The following HS1BP3 variants were observed in gnomAD, a reference collection of about 807,000 sequenced individuals.
HS1BP3 encodes the protein HCLS1 binding protein 3.
A neutral mutation model predicts 33.5 loss-of-function variants in HS1BP3; 32 were observed. The ratio of observed to expected loss-of-function variants is 0.95; its 90% CI spans 0.72 to 1.28. The LOEUF (loss-of-function observed/expected upper bound fraction) is 1.28, where lower values mean the gene tolerates loss of function less well. Among genes scored for constraint, HS1BP3 ranks in the 50% most tolerant of loss-of-function variants. The pLI is 0.00. For synonymous variants in HS1BP3, 187 were observed against 209.2 expected, an observed-to-expected ratio of 0.89 and a Z score of 0.92; for missense variants, 486 against 502.3, an observed-to-expected ratio of 0.97 and a Z score of 0.31.
Position 20,645,289 on chromosome 2 carries a change from G to A in HS1BP3, c.198+51C>T, listed in dbSNP as rs373399133. On this transcript the variant is annotated intron_variant, in intron 2 of 6. Coordinates refer to ENST00000304031, the MANE Select transcript of HS1BP3 (RefSeq NM_022460.4). Reference sequence around the variant, plus strand: ...CCCTGGTGGGCAGATGTGTCTGCCCGCCCGGACCCCGGGCACCCTCGAAAC... The same window carrying A: ...CCCTGGTGGGCAGATGTGTCTGCCCACCCGGACCCCGGGCACCCTCGAAAC... 1.7e-4 allele frequency: 269 copies of A among 1,575,384 alleles called. No individual in the cohort carries two copies. The highest frequency in any genetic ancestry group is 1.5e-4 in the Non-Finnish European group (169 of 1,158,764).
At position 20,605,317 on chromosome 2, in the gene HS1BP3, C is replaced by T. The variant is rs112340725; in HGVS notation, c.179-7052G>A. On this transcript the variant is annotated intron_variant, in intron 2 of 3. Transcript: ENST00000415264. ...CCATCCTCCACACCCTTCAGGCTTT[C>T]CATGTCACCCTCACCCCTCATCATC... 3.4e-3 allele frequency among the ~76,000 whole-genome samples: 522 copies of T among 152,274 alleles called. 4 individuals are homozygous for T. Among genetic ancestry groups the T allele is most frequent in the African/African-American group, 0.012 (508 of 41,560 alleles).
rs200525761 is a variant in HS1BP3 at position 20,619,005 on chromosome 2, G to A, written c.1161C>T (p.Ala387=). ...GGAAGGGTCAGAAGAGGCTGGGGGC[G>A]GCCTGGGCTGGTGTATCGTGGTCCT... is the stretch of plus-strand genomic sequence containing the variant. ...YIQDHDTPAQ[A]APSLF Residue 387 remains alanine, a synonymous_variant, in exon 7 of 7, where the codon GCC becomes GCT. Transcript: ENST00000304031. The A allele has an allele frequency of 2.4e-5, 39 of 1,613,852 alleles. No homozygotes were observed. The East Asian group carries it at 6.0e-4, about 25-fold the overall frequency.
At chr2:20,609,153 C>G (rs1260517110) in intron 2 of HS1BP3, among the ~76,000 whole-genome samples, 3 of 152,204 alleles carry the variant, frequency 2.0e-5, no homozygotes, top group Non-Finnish European at 2.9e-5. Context: ...TGGGTAGCTG[C>G]AGGATGAGCA....
At chr2:20,565,893 T>C (rs1310325851) in intron 5 of HS1BP3, among the ~76,000 whole-genome samples, 2 of 152,208 alleles carry the variant, frequency 1.3e-5, no homozygotes, top group African/African-American at 4.8e-5. Context: ...ATGTGCTGCC[T>C]CACAGGCCAA....
intron 2 of HS1BP3, among the ~76,000 whole-genome samples, chr2:20,608,566 C>T (rs1455014677): frequency 3.1e-5 from 3 of 95,646 alleles, no homozygotes; most frequent in Non-Finnish European, 4.2e-5. Context: ...AAGAGCGAAA[C>T]TCCGTCTCAA....
rs746489178 is a variant in HS1BP3, at chr2:20,641,066, T to A, written c.313A>T (p.Ile105Phe). Residue 105 changes from isoleucine (I) to phenylalanine (F), a missense_variant, in exon 3 of 7, where the codon ATC becomes TTC. Coordinates refer to ENST00000304031, the MANE Select transcript of HS1BP3 (RefSeq NM_022460.4). ...RKVLFVGESD[I>F]RERRAVFNEI... ...TTGAACACGGCTCTCCTCTCCCGGA[T>A]GTCAGACTCCCCAACAAACAGGACC... 1.9e-5 allele frequency: 30 copies of A among 1,614,152 alleles called. No individual in the cohort carries two copies. In the Admixed American group the frequency reaches 5.0e-4, roughly 27 times the overall value.
chr2:20,577,593 AG>A (rs1693430571), intron 5 of HS1BP3, among the ~76,000 whole-genome samples: 1 of 152,098 alleles, frequency 6.6e-6, no homozygotes, highest in Admixed American at 6.5e-5. Context: ...GCCCAAGGTG[AG>A]GGGCACCTCC....
intron 5 of HS1BP3, among the ~76,000 whole-genome samples, chr2:20,570,446 G>A (rs1572291423): frequency 1.3e-5 from 2 of 152,176 alleles, no homozygotes; most frequent in African/African-American, 4.8e-5. Flanking sequence ...TGTCAGTCCT[G>A]CTGATCATGT....
intron 3 of HS1BP3, among the ~76,000 whole-genome samples, chr2:20,593,430 T>C (rs918518713): frequency 3.3e-5 from 5 of 152,178 alleles, no homozygotes; most frequent in African/African-American, 1.2e-4. Flanking sequence ...TTGACACTAG[T>C]TGACCTTGGC....
At chr2:20,580,926 C>T (rs570293656) in intron 5 of HS1BP3, among the ~76,000 whole-genome samples, 3 of 152,346 alleles carry the variant, frequency 2.0e-5, no homozygotes, top group East Asian at 1.9e-4. Flanking sequence ...ACTCACACCA[C>T]GGATATTGGC....
intron 5 of HS1BP3, among the ~76,000 whole-genome samples, chr2:20,563,273 C>G (rs1338808643): frequency 6.6e-6 from 1 of 152,210 alleles, no homozygotes; most frequent in Non-Finnish European, 1.5e-5. Context: ...CTCCAGTGCA[C>G]CCACACATTA....
intron 1 of HS1BP3, among the ~76,000 whole-genome samples, chr2:20,647,545 G>A (rs1695555223): frequency 6.6e-6 from 1 of 152,150 alleles, no homozygotes; most frequent in African/African-American, 2.4e-5. Flanking sequence ...GCATCGCCTG[G>A]GAACTTGTAA....
downstream of HS1BP3, among the ~76,000 whole-genome samples, chr2:20,613,676 A>G (rs1472251327): frequency 6.6e-6 from 1 of 152,268 alleles, no homozygotes; most frequent in Non-Finnish European, 1.5e-5. Flanking sequence ...ACAGAACTTT[A>G]TAATGATGGC....
downstream of HS1BP3, among the ~76,000 whole-genome samples, chr2:20,590,591 C>T (rs565839523): frequency 1.8e-4 from 27 of 152,368 alleles, no homozygotes; most frequent in East Asian, 2.3e-3. Context: ...CATGGCATGG[C>T]CCGGCCCATC....
intron 1 of HS1BP3, among the ~76,000 whole-genome samples, chr2:20,647,069 G>A (rs1572367081): frequency 6.6e-6 from 1 of 151,108 alleles, no homozygotes; most frequent in East Asian, 1.9e-4. Context: ...AGGCACAGGG[G>A]GGTGAAAGTG....
intron 1 of HS1BP3, among the ~76,000 whole-genome samples, chr2:20,649,675 A>G (rs1263400565): frequency 6.6e-6 from 1 of 152,240 alleles, no homozygotes; most frequent in African/African-American, 2.4e-5. Context: ...CGGGCTGGAA[A>G]GAGGAGCTGG....
At chr2:20,582,608 G>C (rs934791137) in intron 5 of HS1BP3, among the ~76,000 whole-genome samples, 2 of 152,030 alleles carry the variant, frequency 1.3e-5, no homozygotes, top group Non-Finnish European at 2.9e-5. Flanking sequence ...CCCTTTCTCT[G>C]CACCCCCATC....
intron 4 of HS1BP3, among the ~76,000 whole-genome samples, chr2:20,633,735 CTGGT>C (rs1404342544): frequency 4.6e-5 from 7 of 152,202 alleles, no homozygotes; most frequent in African/African-American, 1.7e-4. Flanking sequence ...GTTGACCAGG[CTGGT>C]CTTGAACTCC....
chr2:20,642,767 A>G (rs1011211721), intron 2 of HS1BP3, among the ~76,000 whole-genome samples: 54 of 152,334 alleles, frequency 3.5e-4, no homozygotes, highest in African/African-American at 1.1e-3. Context: ...CACCAGCAAC[A>G]AGAGGAGGCC....
Sources: allele counts gnomAD v4.1 joint callset (sites outside exome capture counted in the v4.1 genomes callset), GRCh38; gene constraint gnomAD v4.1.1; transcripts MANE v1.5; gene names NCBI Gene and HGNC (gene_info 2026-07-23, HGNC 2026-07-21).